MTHFD1: variants seen among roughly 807,000 people sequenced by gnomAD.
The protein encoded by MTHFD1 is methylenetetrahydrofolate dehydrogenase, cyclohydrolase and formyltetrahydrofolate synthetase 1.
In MTHFD1, 44 loss-of-function variants were observed where a neutral mutation model predicts 110.3. That is an observed-to-expected ratio of 0.40 (90% CI 0.31 to 0.51). The LOEUF is 0.51. MTHFD1 is among the 20% of genes least tolerant of loss of function. The pLI, the probability that MTHFD1 is intolerant of heterozygous loss-of-function variation, is 0.60. For synonymous variants in MTHFD1, 402 were observed against 428.8 expected (o/e 0.94, Z 0.77); for missense variants, 909 against 1,173.1 (o/e 0.77, Z 3.29).
At chr14:64,434,944 C>CTTT (rs1596549220) in intron 15 of MTHFD1, among the ~76,000 whole-genome samples, 5 of 89,586 alleles carry the variant, frequency 5.6e-5, no homozygotes, top group African/African-American at 2.0e-4. Flanking sequence ...AGCTCTCCCT[C>CTTT]TTTTCTTTTT....
chr14:64,412,401 G>A (rs2077991528), intron 3 of MTHFD1, 71 bp from the exon 4 acceptor site: 6 of 1,122,450 alleles, frequency 5.3e-6, no homozygotes, highest in East Asian at 2.3e-5. Flanking sequence ...TGTTAGTCAT[G>A]TCTGTAAAAG....
intron 1 of MTHFD1, among the ~76,000 whole-genome samples, chr14:64,393,576 TTGGGCAGGTTGC>T (rs1200361669): frequency 6.6e-6 from 1 of 152,178 alleles, no homozygotes; most frequent in Non-Finnish European, 1.5e-5. Context: ...AGCCAGGCTG[TTGGGCAGGTTGC>T]AGCGATAGTG....
At position 64,415,448 on chromosome 14, in the gene MTHFD1, A is replaced by T. The variant is rs945395304; in HGVS notation, c.331A>T (p.Thr111Ser). ...TTTAGATTCAGAGAATTCCATTAACACTGAAGAAGTGATCAATGCTATTGC... is the reference window on the plus strand; with the variant it reads ...TTTAGATTCAGAGAATTCCATTAACTCTGAAGAAGTGATCAATGCTATTGC... ...LPLDSENSIN[T>S]EEVINAIAPE... is the part of the protein sequence containing the mutation. The change falls in exon 5 of 28, where the codon ACT becomes TCT. Residue 111 changes from threonine to serine, a missense_variant. Around this residue, in one of 3 missense-constraint regions of MTHFD1, gnomAD observed 424 missense variants for 510.4 expected, o/e 0.83. Coordinates refer to ENST00000652337, the MANE Select transcript of MTHFD1 (RefSeq NM_005956.4). The T allele has an allele frequency of 1.1e-5, 18 of 1,613,880 alleles. No individual in the cohort carries two copies. The highest frequency in any genetic ancestry group is 2.7e-5 in the African/African-American group (2 of 74,934).
intron 12 of MTHFD1, among the ~76,000 whole-genome samples, chr14:64,427,697 G>T (rs1002972069): frequency 2.0e-5 from 3 of 152,172 alleles, no homozygotes; most frequent in Admixed American, 6.5e-5. Context: ...CTCTGGGATG[G>T]GTGATATGTA....
intron 16 of MTHFD1, among the ~76,000 whole-genome samples, chr14:64,437,362 AATTTT>A (rs753011779): frequency 6.6e-6 from 1 of 152,106 alleles, no homozygotes; most frequent in Non-Finnish European, 1.5e-5. Flanking sequence ...GGATCAATTT[AATTTT>A]GTGTTTCTTT....
rs2078236652 is a variant in MTHFD1 at position 64,440,157 on chromosome 14, T to C, written c.1706T>C (p.Ile569Thr). The part of the protein sequence containing the change: ...AQFDISVASE[I>T]MAVLALTTSL... ...TTTGATATCTCTGTGGCCAGTGAAA[T>C]TATGGCTGTCCTGGCTCTCACCACT... Residue 569 changes from isoleucine (I) to threonine (T), a missense_variant, in exon 18 of 28, where the codon ATT becomes ACT. Ile to Thr is a moderately conservative substitution (Grantham distance 89). Around this residue, in one of 3 missense-constraint regions of MTHFD1, gnomAD observed 482 missense variants for 646.0 expected, o/e 0.75. Coordinates refer to ENST00000652337, the MANE Select transcript of MTHFD1 (RefSeq NM_005956.4). The C allele has an allele frequency of 1.2e-6, 2 of 1,613,920 alleles. No homozygotes were observed. The highest frequency in any genetic ancestry group is 2.2e-5 in the South Asian group (2 of 91,080).
At chr14:64,420,271 G>A (rs1345877824) in intron 8 of MTHFD1, among the ~76,000 whole-genome samples, 3 of 152,142 alleles carry the variant, frequency 2.0e-5, no homozygotes, top group Non-Finnish European at 4.4e-5. Context: ...TTAAAATACA[G>A]TATAATTATT....
At chr14:64,421,220 T>C in intron 8 of MTHFD1, among the ~76,000 whole-genome samples, 1 of 152,210 alleles carries the variant, frequency 6.6e-6, no homozygotes, top group East Asian at 1.9e-4. Context: ...TGCATGTGTC[T>C]CATGTACGGC....
At chr14:64,446,407 G>C (rs2078289423) in intron 22 of MTHFD1, among the ~76,000 whole-genome samples, 1 of 152,094 alleles carries the variant, frequency 6.6e-6, no homozygotes, top group African/African-American at 2.4e-5. Flanking sequence ...TAATTCATTG[G>C]CCCAGTCCCC....
chr14:64,423,261 G>T (rs186035482), intron 8 of MTHFD1, among the ~76,000 whole-genome samples: 163 of 152,262 alleles, frequency 1.1e-3, no homozygotes, highest in Middle Eastern at 3.4e-3. Flanking sequence ...GGTGGAAAGA[G>T]AAACTCTTGC....
At position 64,444,749 on chromosome 14, in the gene MTHFD1, T is replaced by TTCTC; in HGVS notation, c.2178+16_2178+19dup. On this transcript the variant is annotated intron_variant, in intron 22 of 27. Coordinates refer to ENST00000652337, the MANE Select transcript of MTHFD1 (RefSeq NM_005956.4). ...ACATACAGGAGGTAACCTGAGTTAT[T>TTCTC]TCTCATCACGTGTCCTAGAAAGCAC... 1 of 1,613,752 alleles carries TTCTC rather than the reference T, an allele frequency of 6.2e-7. No homozygotes were observed. The highest frequency in any genetic ancestry group is 8.5e-7 in the Non-Finnish European group (1 of 1,179,664).
chr14:64,404,960 A>AT (rs2077925923), intron 2 of MTHFD1, among the ~76,000 whole-genome samples: 1 of 151,750 alleles, frequency 6.6e-6, no homozygotes. Flanking sequence ...CTCCGTCTCA[A>AT]TTTAAAAAAA....
chr14:64,401,935 T>C (rs1022348860), intron 2 of MTHFD1, among the ~76,000 whole-genome samples: 1 of 152,198 alleles, frequency 6.6e-6, no homozygotes, highest in Non-Finnish European at 1.5e-5. Context: ...TTCAGTCTTT[T>C]GCTGTGTGCT....
At chr14:64,398,260 T>C (rs1033056883) in intron 1 of MTHFD1, among the ~76,000 whole-genome samples, 1 of 152,190 alleles carries the variant, frequency 6.6e-6, no homozygotes, top group African/African-American at 2.4e-5. Flanking sequence ...GAAATAAAAT[T>C]TGAACTGGGT....
At position 64,458,319 on chromosome 14, in the gene MTHFD1, C is replaced by CCTGTT. The variant is rs1449333934; in HGVS notation, c.*4+12_*4+13insCTGTT. The CCTGTT allele has an allele frequency of 6.3e-6, 10 of 1,584,232 alleles. No individual in the cohort carries two copies. The highest frequency in any genetic ancestry group is 8.7e-6 in the Non-Finnish European group (10 of 1,152,988). On this transcript the variant is annotated intron_variant, in intron 27 of 27. Coordinates refer to ENST00000652337, the MANE Select transcript of MTHFD1 (RefSeq NM_005956.4). ...ATTATTCTAAACAGGTAAGTTGTTA[C>CCTGTT]TGGGTAATAATTTGGCTTTTTTCCT...
chr14:64,421,624 A>ATTTTTTTTTTTTTTTTTT (rs202091130), intron 8 of MTHFD1, among the ~76,000 whole-genome samples: 1 of 145,470 alleles, frequency 6.9e-6, no homozygotes, highest in Admixed American at 6.8e-5. Context: ...TATTTTTTTA[A>ATTTTTTTTTTTTTTTTTT]TTTTTTTTTT....
intron 8 of MTHFD1, among the ~76,000 whole-genome samples, 192 bp downstream of exon 8, chr14:64,420,117 C>T (rs2078056875): frequency 6.6e-6 from 1 of 152,166 alleles, no homozygotes; most frequent in Non-Finnish European, 1.5e-5. Context: ...TGCCTGGTGC[C>T]AGAGCCTTTG....
At chr14:64,410,638 C>G (rs371440942) in intron 2 of MTHFD1, among the ~76,000 whole-genome samples, 35 of 152,262 alleles carry the variant, frequency 2.3e-4, no homozygotes, top group African/African-American at 8.4e-4. Context: ...GTGGCGGGGC[C>G]AGGGAGCTTT....
At chr14:64,452,840 C>T (rs927416770) in intron 24 of MTHFD1, among the ~76,000 whole-genome samples, 6 of 151,970 alleles carry the variant, frequency 3.9e-5, no homozygotes, top group African/African-American at 1.5e-4. Context: ...GACTGATCTC[C>T]AGTATTAGAA....
Sources: gnomAD v4.1 joint callset for allele counts (sites outside exome capture counted in the v4.1 genomes callset) on GRCh38, gnomAD v4.1.1 for gene constraint, gnomAD v4.1.1 regional missense constraint, MANE v1.5 for transcripts, NCBI Gene and HGNC (gene_info 2026-07-23, HGNC 2026-07-21) for gene names.